Variants in GNA14 observed in about 807,000 individuals in gnomAD.
The protein encoded by GNA14 is G protein subunit alpha 14, also known as guanine nucleotide-binding protein subunit alpha-14.
Under a neutral mutation model 42.0 loss-of-function variants are expected in GNA14, and 50 were observed. That is an observed-to-expected ratio of 1.19 (90% CI 0.95 to 1.51). GNA14 has a LOEUF of 1.51. Ranked by LOEUF, GNA14 falls within the 40% of genes most tolerant of loss-of-function variation. The pLI is 0.00. For missense variants in GNA14, 473 were observed against 446.2 expected (o/e 1.06, Z -0.54); for synonymous variants, 173 against 163.1 (o/e 1.06, Z -0.46).
At chr9:77,552,126 C>CAAAAAAA (rs34493872) in intron 1 of GNA14, among the ~76,000 whole-genome samples, 10 of 85,036 alleles carry the variant, frequency 1.2e-4, no homozygotes, top group Non-Finnish European at 1.9e-4. Flanking sequence ...AACTCCATCT[C>CAAAAAAA]AAAAAAAAAA....
chr9:77,631,790 T>C (rs945634326), intron 1 of GNA14, among the ~76,000 whole-genome samples: 5 of 152,198 alleles, frequency 3.3e-5, no homozygotes, highest in African/African-American at 1.2e-4. Context: ...TAAATGGTAA[T>C]GATGGCAGTG....
intron 1 of GNA14, among the ~76,000 whole-genome samples, chr9:77,616,230 T>C (rs186023703): frequency 1.3e-5 from 2 of 152,232 alleles, no homozygotes; most frequent in African/African-American, 4.8e-5. Flanking sequence ...CTTGACTATT[T>C]GGAAGTGGCT....
intron 1 of GNA14, among the ~76,000 whole-genome samples, chr9:77,563,875 T>C (rs1172553096): frequency 6.6e-6 from 1 of 152,172 alleles, no homozygotes; most frequent in African/African-American, 2.4e-5. Flanking sequence ...TACATGTTTG[T>C]TTGTCAGAGT....
chr9:77,435,541 GATT>G (rs1440108964), intron 2 of GNA14, among the ~76,000 whole-genome samples: 7 of 151,776 alleles, frequency 4.6e-5, no homozygotes, highest in Non-Finnish European at 7.4e-5. Flanking sequence ...CCACACCACT[GATT>G]ATTATATTAC....
At chr9:77,576,788 T>TAAAAA (rs35597917) in intron 1 of GNA14, among the ~76,000 whole-genome samples, 1 of 148,718 alleles carries the variant, frequency 6.7e-6, no homozygotes. Flanking sequence ...GTTAAAAGGT[T>TAAAAA]AAAAAAAAAA....
chr9:77,439,433 A>G (rs1463439879), intron 2 of GNA14, among the ~76,000 whole-genome samples: 2 of 152,092 alleles, frequency 1.3e-5, no homozygotes, highest in African/African-American at 4.8e-5. Flanking sequence ...GAGCCTAGGA[A>G]TTCAAGTCCA....
chr9:77,579,145 A>G (rs986986388), intron 1 of GNA14, among the ~76,000 whole-genome samples: 4 of 152,248 alleles, frequency 2.6e-5, no homozygotes, highest in African/African-American at 7.2e-5. Flanking sequence ...TCACACCTAT[A>G]AAGTTGGAAT....
chr9:77,577,040 G>A (rs1823140337), intron 1 of GNA14, among the ~76,000 whole-genome samples: 1 of 152,106 alleles, frequency 6.6e-6, no homozygotes, highest in Non-Finnish European at 1.5e-5. Flanking sequence ...TAAAACACAT[G>A]GAAACACCCT....
At chr9:77,624,292 C>T (rs1823979522) in intron 1 of GNA14, among the ~76,000 whole-genome samples, 1 of 152,232 alleles carries the variant, frequency 6.6e-6, no homozygotes, top group Non-Finnish European at 1.5e-5. Flanking sequence ...AGGTAAAACT[C>T]CCATCTCCCT....
At chr9:77,542,038 C>A (rs1837667265) in intron 1 of GNA14, among the ~76,000 whole-genome samples, 1 of 152,008 alleles carries the variant, frequency 6.6e-6, no homozygotes, top group South Asian at 2.1e-4. Context: ...GTGAATTTCT[C>A]TTTGATTGGG....
intron 1 of GNA14, among the ~76,000 whole-genome samples, chr9:77,566,486 A>G (rs1447481487): frequency 6.6e-6 from 1 of 152,184 alleles, no homozygotes; most frequent in African/African-American, 2.4e-5. Context: ...ATCTTAAGTC[A>G]TGGAATTGCC....
At chr9:77,606,240 C>CA (rs1292860141) in intron 1 of GNA14, among the ~76,000 whole-genome samples, 1 of 152,076 alleles carries the variant, frequency 6.6e-6, no homozygotes. Flanking sequence ...CATCTCCTAC[C>CA]AAAAAATAAA....
intron 1 of GNA14, among the ~76,000 whole-genome samples, chr9:77,601,271 G>A (rs1823559832): frequency 6.6e-6 from 1 of 152,014 alleles, no homozygotes; most frequent in African/African-American, 2.4e-5. Flanking sequence ...AACTTTTCCT[G>A]GTCGTGACAC....
At chr9:77,456,832 T>C (rs1049675766) in intron 2 of GNA14, among the ~76,000 whole-genome samples, 1 of 152,104 alleles carries the variant, frequency 6.6e-6, no homozygotes, top group Admixed American at 6.5e-5. Context: ...ATTTAAAAAA[T>C]AAATCAGCTA....
chr9:77,621,062 T>G (rs1823914419), intron 1 of GNA14, among the ~76,000 whole-genome samples: 1 of 151,918 alleles, frequency 6.6e-6, no homozygotes, highest in Admixed American at 6.6e-5. Context: ...GCTTCCCATG[T>G]AGCTGGGACC....
intron 2 of GNA14, among the ~76,000 whole-genome samples, chr9:77,527,355 A>C (rs1040823362): frequency 6.6e-6 from 1 of 152,156 alleles, no homozygotes; most frequent in African/African-American, 2.4e-5. Context: ...TGTGCCTCTC[A>C]CCTTACTTCA....
chr9:77,433,648 C>A (rs552235430), intron 3 of GNA14, among the ~76,000 whole-genome samples: 2 of 152,284 alleles, frequency 1.3e-5, no homozygotes, highest in South Asian at 4.1e-4. Context: ...CAGATGTGAA[C>A]AGGAAATGCC....
At chr9:77,474,662 C>A (rs1390432762) in intron 2 of GNA14, among the ~76,000 whole-genome samples, 1 of 152,146 alleles carries the variant, frequency 6.6e-6, no homozygotes, top group Non-Finnish European at 1.5e-5. Context: ...CCCAAGAGAA[C>A]TGAAGACAAA....
At chr9:77,508,731 T>C (rs1837110558) in intron 2 of GNA14, among the ~76,000 whole-genome samples, 1 of 152,140 alleles carries the variant, frequency 6.6e-6, no homozygotes, top group Non-Finnish European at 1.5e-5. Context: ...CTTGGAGAAA[T>C]GGCTGTGTCC....
Sources: gnomAD v4.1 joint callset for allele counts (sites outside exome capture counted in the v4.1 genomes callset) on GRCh38, gnomAD v4.1.1 for gene constraint, MANE v1.5 for transcripts, NCBI Gene and HGNC (gene_info 2026-07-23, HGNC 2026-07-21) for gene names.